The following MAL2 variants were observed in gnomAD, a reference collection of about 807,000 sequenced individuals.
The protein encoded by MAL2 is protein MAL2.
A neutral mutation model predicts 18.1 loss-of-function variants in MAL2; 17 were observed. The observed-to-expected ratio is 0.94, with a 90% confidence interval of 0.64 to 1.41. MAL2 has a LOEUF of 1.41. Among genes scored for constraint, MAL2 ranks in the 40% most tolerant of loss-of-function variants. The pLI is 0.00. For synonymous variants in MAL2, 102 were observed against 102.3 expected, an observed-to-expected ratio of 1.00 and a Z score of 0.02; for missense variants, 222 against 231.9, an observed-to-expected ratio of 0.96 and a Z score of 0.28.
chr8:119,238,761 A>G (rs1231647969), intron 2 of MAL2, among the ~76,000 whole-genome samples: 1 of 150,570 alleles, frequency 6.6e-6, no homozygotes, highest in Non-Finnish European at 1.5e-5. Context: ...CTTACACCTT[A>G]TACAAAAATT....
At chr8:119,229,370 T>A (rs1817664925) in intron 2 of MAL2, among the ~76,000 whole-genome samples, 1 of 150,170 alleles carries the variant, frequency 6.7e-6, no homozygotes. Context: ...TGGAGTGCAG[T>A]GGCAGGATCT....
intron 1 of MAL2, among the ~76,000 whole-genome samples, chr8:119,220,469 A>G (rs770772568): frequency 6.6e-6 from 1 of 152,062 alleles, no homozygotes; most frequent in African/African-American, 2.4e-5. Context: ...CCATTCTCAC[A>G]TTCTAGCCAG....
At position 119,208,667 on chromosome 8, in the gene MAL2, C is replaced by T. The variant is rs139965999; in HGVS notation, c.132+63C>T. Reference sequence around the variant, plus strand: ...CGAGGACAGGCGGCGGCATCCTTGTCCCCCGGGCTGTCTTCCTCTGCGTCC... The same window carrying T: ...CGAGGACAGGCGGCGGCATCCTTGTTCCCCGGGCTGTCTTCCTCTGCGTCC... On this transcript the variant is annotated intron_variant, in intron 1 of 3. Transcript: ENST00000614891. This position sits in a 1 kb window ranked among gnomAD's most constrained non-coding sequence, Gnocchi z 4.3. 6,195 of 1,241,128 alleles carry T rather than the reference C, an allele frequency of 5.0e-3. 199 individuals are homozygous for T. The African/African-American group carries it at 0.077, about 15-fold the overall frequency. 76.9% of individuals were successfully genotyped at this position (1,241,128 alleles called of 1,614,324 possible).
At chr8:119,242,574 A>G (rs1294132955) in intron 3 of MAL2, among the ~76,000 whole-genome samples, 1 of 152,226 alleles carries the variant, frequency 6.6e-6, no homozygotes, top group African/African-American at 2.4e-5. Flanking sequence ...TCAGAAAACA[A>G]TGTCTAGATT....
intron 2 of MAL2, among the ~76,000 whole-genome samples, chr8:119,226,017 C>A (rs934302796): frequency 4.6e-5 from 7 of 152,036 alleles, no homozygotes; most frequent in Admixed American, 4.6e-4. Flanking sequence ...TGGATGTTAG[C>A]CCTTTGTCAG....
intron 1 of MAL2, chr8:119,214,970 C>G (rs1817325795): frequency 6.5e-6 from 1 of 152,700 alleles, no homozygotes. Context: ...GGACAGAAGT[C>G]AGCATGGTTA....
intron 2 of MAL2, among the ~76,000 whole-genome samples, chr8:119,238,821 C>T (rs1455763413): frequency 1.3e-5 from 2 of 151,202 alleles, no homozygotes; most frequent in Non-Finnish European, 1.5e-5. Context: ...ACCATAAAAA[C>T]CCTAGAAGAA....
chr8:119,235,238 G>A lies in MAL2; in HGVS notation c.304-4927G>A, dbSNP rs1019782067. On this transcript the variant is annotated intron_variant, in intron 2 of 3. Transcript: ENST00000614891. ...TAGAAGATGAAATGAAGCGAGAAGGGAAGTTTAGAGAAAAAAGAATAAAAA... is the reference window on the plus strand; with the variant it reads ...TAGAAGATGAAATGAAGCGAGAAGGAAAGTTTAGAGAAAAAAGAATAAAAA... 1.4e-4 allele frequency among the ~76,000 whole-genome samples: 21 copies of A among 152,036 alleles called. No homozygotes were observed. In the South Asian group the frequency reaches 2.3e-3, roughly 17 times the overall value.
At position 119,237,193 on chromosome 8, in the gene MAL2, A is replaced by G. The variant is rs535179499; in HGVS notation, c.304-2972A>G. Reference sequence around the variant, plus strand: ...AAATAAACTAGAAAATCTAGAAGAAATGGATACATTCCTCGACACATACAC... The same window carrying G: ...AAATAAACTAGAAAATCTAGAAGAAGTGGATACATTCCTCGACACATACAC... On this transcript the variant is annotated intron_variant, in intron 2 of 3. Transcript: ENST00000614891. 4.9e-3 allele frequency among the ~76,000 whole-genome samples: 736 copies of G among 151,236 alleles called. 4 individuals are homozygous for G. The highest frequency in any genetic ancestry group is 0.017 in the African/African-American group (720 of 41,354).
rs986727494 is a variant in MAL2 at position 119,244,867 on chromosome 8, A to G, written c.*1379A>G. 2.0e-4 allele frequency: 30 copies of G among 152,628 alleles called. No homozygotes were observed. Among genetic ancestry groups the G allele is most frequent in the African/African-American group, 7.0e-4 (29 of 41,464 alleles). The allele number at this position is 152,628 out of a possible 1,614,324, so 9.5% of individuals were successfully genotyped here. On this transcript the variant is annotated 3_prime_UTR_variant, in exon 4 of 4. Transcript: ENST00000614891. ...ACTGTTTTGAATGGAAGGACAAGTAAGAGTGAGGCCACAGTTCCCACCACA... is the reference window on the plus strand; with the variant it reads ...ACTGTTTTGAATGGAAGGACAAGTAGGAGTGAGGCCACAGTTCCCACCACA...
At chr8:119,240,068 A>G (rs565751265) in intron 2 of MAL2, 97 bp from the exon 3 acceptor site, 2 of 1,248,774 alleles carry the variant, frequency 1.6e-6, no homozygotes, top group South Asian at 1.4e-5. Context: ...GTTTAATTAA[A>G]TGTTTTGATC....
intron 2 of MAL2, among the ~76,000 whole-genome samples, chr8:119,224,804 C>T (rs1216632251): frequency 6.6e-6 from 1 of 152,122 alleles, no homozygotes; most frequent in African/African-American, 2.4e-5. Context: ...ATTTGGTTTT[C>T]AAATAATAAG....
intron 2 of MAL2, among the ~76,000 whole-genome samples, chr8:119,239,235 A>G (rs1357510148): frequency 3.3e-5 from 5 of 152,224 alleles, no homozygotes; most frequent in Non-Finnish European, 7.3e-5. Flanking sequence ...ATATCATCTC[A>G]TACCAGTTAG....
At chr8:119,227,652 G>T (rs1463585498) in intron 2 of MAL2, among the ~76,000 whole-genome samples, 2 of 152,198 alleles carry the variant, frequency 1.3e-5, no homozygotes, top group Non-Finnish European at 2.9e-5. Context: ...CCTTCTTGAT[G>T]GAAAATGTGT....
intron 1 of MAL2, among the ~76,000 whole-genome samples, chr8:119,214,688 A>T (rs1817319794): frequency 6.6e-6 from 1 of 152,232 alleles, no homozygotes; most frequent in African/African-American, 2.4e-5. Flanking sequence ...AAGCAGCTGA[A>T]TTGGAGGTTT....
At chr8:119,233,697 CAA>C (rs1263183768) in intron 2 of MAL2, among the ~76,000 whole-genome samples, 1 of 151,892 alleles carries the variant, frequency 6.6e-6, no homozygotes, top group Non-Finnish European at 1.5e-5. Context: ...GCTTACCAAC[CAA>C]AAAGAGTCCA....
intron 2 of MAL2, among the ~76,000 whole-genome samples, chr8:119,233,537 A>AC (rs1197469048): frequency 2.6e-5 from 4 of 152,238 alleles, no homozygotes; most frequent in African/African-American, 9.6e-5. Flanking sequence ...ATCAGAGAAT[A>AC]CTACAAACAC....
intron 1 of MAL2, among the ~76,000 whole-genome samples, chr8:119,210,379 T>G (rs1249529738): frequency 3.9e-5 from 6 of 152,258 alleles, no homozygotes; most frequent in Non-Finnish European, 8.8e-5. Context: ...GGGAAAAGAA[T>G]AGAAAGTGAC....
At chr8:119,209,738 C>T (rs1212748544) in intron 1 of MAL2, among the ~76,000 whole-genome samples, 2 of 152,182 alleles carry the variant, frequency 1.3e-5, no homozygotes, top group African/African-American at 2.4e-5. Flanking sequence ...AGCCACACCA[C>T]CCTAAGTTAA....
Sources: allele counts gnomAD v4.1 joint callset (sites outside exome capture counted in the v4.1 genomes callset), GRCh38; gene constraint gnomAD v4.1.1; non-coding constraint Gnocchi (gnomAD v3.1); transcripts MANE v1.5; gene names NCBI Gene and HGNC (gene_info 2026-07-23, HGNC 2026-07-21).